RCC1L: variants seen among roughly 807,000 people sequenced by gnomAD.
RCC1L encodes RCC1-like G exchanging factor-like protein.
Under a neutral mutation model 58.6 loss-of-function variants are expected in RCC1L, and 46 were observed. The ratio of observed to expected loss-of-function variants is 0.79; its 90% CI spans 0.62 to 1.00. RCC1L has a LOEUF of 1.00. RCC1L is among the 50% of genes least tolerant of loss of function. The pLI is 0.00. For synonymous variants in RCC1L, 281 were observed against 262.9 expected (o/e 1.07, Z -0.67); for missense variants, 636 against 623.6 (o/e 1.02, Z -0.21).
At chr7:75,065,047 T>C (rs1225731328) in intron 3 of RCC1L, among the ~76,000 whole-genome samples, 2 of 152,142 alleles carry the variant, frequency 1.3e-5, no homozygotes, top group Non-Finnish European at 2.9e-5. Flanking sequence ...CACTTCTGCC[T>C]GGCCACTGCC....
intron 10 of RCC1L, among the ~76,000 whole-genome samples, chr7:75,049,724 C>T (rs1472275738): frequency 6.7e-6 from 1 of 149,656 alleles, no homozygotes; most frequent in Non-Finnish European, 1.5e-5. Flanking sequence ...ACAAAAAATA[C>T]AAAAATTAGC....
At chr7:75,072,138 T>TTATACATATACATATACA (rs1222011001) in intron 1 of RCC1L, among the ~76,000 whole-genome samples, 1 of 76,324 alleles carries the variant, frequency 1.3e-5, no homozygotes, top group Admixed American at 2.0e-4. Flanking sequence ...TATTTTAAAT[T>TTATACATATACATATACA]TATACATATA....
In RCC1L at chr7:75,051,203, TATATAAACGTATA is replaced by T. The variant is rs1554443316; in HGVS notation, c.1317+1495_1317+1507del. Among the ~76,000 whole-genome samples the T allele has an allele frequency of 3.8e-3, 560 of 147,176 alleles. 3 individuals carry two copies. The highest frequency in any genetic ancestry group is 0.013 in the African/African-American group (525 of 40,306). On this transcript the variant is annotated intron_variant, in intron 10 of 10. Transcript: ENST00000610322. ...AATATATATATATATATATTTAATATATATAAACGTATAATATAAATGTATTATATATGTATAT... is the reference window on the plus strand; with the variant it reads ...AATATATATATATATATATTTAATATATATAAATGTATTATATATGTATAT...
downstream of RCC1L, among the ~76,000 whole-genome samples, chr7:75,041,823 T>C (rs1431265003): frequency 2.7e-5 from 4 of 149,006 alleles, no homozygotes; most frequent in African/African-American, 5.0e-5. Context: ...GAGATCATGT[T>C]GCTGCACTCC....
chr7:75,059,015 TAAA>T (rs1197804891), intron 6 of RCC1L, among the ~76,000 whole-genome samples: 2 of 133,354 alleles, frequency 1.5e-5, no homozygotes, highest in African/African-American at 5.6e-5. Flanking sequence ...TGTCTCTACT[TAAA>T]AAAAAAAAAA....
At chr7:75,070,383 G>A (rs1479481652) in intron 2 of RCC1L, among the ~76,000 whole-genome samples, 2 of 152,050 alleles carry the variant, frequency 1.3e-5, no homozygotes, top group African/African-American at 4.8e-5. Flanking sequence ...CCAGCCTGGT[G>A]AACATAGTGA....
intron 10 of RCC1L, among the ~76,000 whole-genome samples, chr7:75,036,541 G>C (rs1805433859): frequency 6.6e-6 from 1 of 152,082 alleles, no homozygotes; most frequent in East Asian, 1.9e-4. Context: ...TGCAGCTCCT[G>C]GCATACAGTA....
intron 10 of RCC1L, among the ~76,000 whole-genome samples, chr7:75,044,981 C>T (rs1554442661): frequency 2.0e-5 from 3 of 152,186 alleles, no homozygotes; most frequent in African/African-American, 7.2e-5. Context: ...GAGATCACGC[C>T]ATTGCACTCC....
rs1309585566 is a variant in RCC1L at position 75,042,481 on chromosome 7, G to A, written c.*551C>T. On this transcript the variant is annotated 3_prime_UTR_variant, in exon 11 of 11. Transcript: ENST00000610322. ...AGCTCCAGATGGAATCCCAGGCCAC[G>A]GTGCTTCTAGTGTCCCCCCAGCGAG... The A allele has an allele frequency of 1.3e-5, 13 of 989,228 alleles. No individual in the cohort carries two copies. The South Asian group carries it at 2.8e-4, about 21-fold the overall frequency. 61.3% of individuals were successfully genotyped at this position (989,228 alleles called of 1,614,324 possible). A position where few individuals can be genotyped will look rare whatever the true frequency, so the allele number is the denominator to read the frequency against.
In RCC1L at chr7:75,073,496, C is replaced by A; in HGVS notation, c.242G>T (p.Ser81Ile). 7.1e-7 allele frequency: 1 copy of A among 1,406,204 alleles called. No individual in the cohort carries two copies. The highest frequency in any genetic ancestry group is 9.2e-7 in the Non-Finnish European group (1 of 1,086,208). The allele number at this position is 1,406,204 out of a possible 1,614,324, so 87.1% of individuals were successfully genotyped here. ...GCCGGCGCGGGGCCCGGGCCCGGAGCTGGGCACCACAAAGGAAGGCACGCC... is the reference window on the plus strand; with the variant it reads ...GCCGGCGCGGGGCCCGGGCCCGGAGATGGGCACCACAAAGGAAGGCACGCC... Reference protein sequence around the residue: ...ALGVPSFVVPSSGPGPRAGAR... With the variant: ...ALGVPSFVVPISGPGPRAGAR... The change falls in exon 1 of 11, where the codon AGC becomes ATC. Residue 81 changes from serine to isoleucine, a missense_variant. Transcript: ENST00000610322.
downstream of RCC1L, among the ~76,000 whole-genome samples, chr7:75,039,097 C>T (rs1805489898): frequency 6.6e-6 from 1 of 152,236 alleles, no homozygotes; most frequent in Non-Finnish European, 1.5e-5. Flanking sequence ...GTCTCGGACC[C>T]CCGAAGTGCT....
chr7:75,054,182 G>A (rs970511421), intron 9 of RCC1L, among the ~76,000 whole-genome samples: 4 of 152,186 alleles, frequency 2.6e-5, no homozygotes, highest in African/African-American at 7.2e-5. Context: ...GGGATTACAA[G>A]CATGAGCCAC....
In RCC1L at chr7:75,051,315, CACAT is replaced by C. The variant is rs1805903607; in HGVS notation, c.1317+1392_1317+1395del. ...ATAAATACATACATATATATATACA[CACAT>C]ATATACACACACACACACATATATA... On this transcript the variant is annotated intron_variant, in intron 10 of 10. Coordinates refer to ENST00000610322, the MANE Select transcript of RCC1L (RefSeq NM_030798.5). Among the ~76,000 whole-genome samples, 6 of 148,552 alleles carry C rather than the reference CACAT, an allele frequency of 4.0e-5. No individual in the cohort carries two copies. In the South Asian group the frequency reaches 1.3e-3, roughly 31 times the overall value.
intron 9 of RCC1L, among the ~76,000 whole-genome samples, chr7:75,054,528 G>A (rs1241756216): frequency 6.6e-6 from 1 of 152,148 alleles, no homozygotes; most frequent in Non-Finnish European, 1.5e-5. Flanking sequence ...CCATAGTTGA[G>A]GCCTTAAGAA....
At chr7:75,069,247 C>T (rs587695792) in intron 2 of RCC1L, among the ~76,000 whole-genome samples, 5 of 152,088 alleles carry the variant, frequency 3.3e-5, no homozygotes, top group Non-Finnish European at 5.9e-5. Flanking sequence ...GGCTGGAGTG[C>T]GGTGGCGCAA....
At position 75,042,839 on chromosome 7, in the gene RCC1L, G is replaced by A. The variant is rs1227227953; in HGVS notation, c.*193C>T. ...AAGCTGAGTTCCGCAGGCCTCACCT[G>A]CAGCTGGAGAGGGACCTTGCCCTGA... On this transcript the variant is annotated 3_prime_UTR_variant, in exon 11 of 11. Transcript: ENST00000610322. The A allele has an allele frequency of 1.0e-5, 15 of 1,447,420 alleles. No individual in the cohort carries two copies. Among genetic ancestry groups the A allele is most frequent in the Non-Finnish European group, 1.4e-5 (15 of 1,096,526 alleles). The allele number at this position is 1,447,420 out of a possible 1,614,324, so 89.7% of individuals were successfully genotyped here.
intron 1 of RCC1L, among the ~76,000 whole-genome samples, chr7:75,071,063 C>T (rs587646215): frequency 6.6e-6 from 1 of 152,168 alleles, no homozygotes; most frequent in East Asian, 1.9e-4. Context: ...ACTATGTTGG[C>T]CCAGGTGATC....
chr7:75,047,319 C>T (rs1039594722), intron 10 of RCC1L, among the ~76,000 whole-genome samples: 6 of 151,920 alleles, frequency 3.9e-5, no homozygotes, highest in Non-Finnish European at 7.4e-5. Flanking sequence ...CCGGCTGGAG[C>T]GCAGTGGTGT....
At chr7:75,036,228 T>C (rs1805428394) in intron 10 of RCC1L, among the ~76,000 whole-genome samples, 1 of 150,186 alleles carries the variant, frequency 6.7e-6, no homozygotes, top group Non-Finnish European at 1.5e-5. Flanking sequence ...GCAATTCTCC[T>C]GCCTCAGCCT....
Sources: gnomAD v4.1 joint callset for allele counts (sites outside exome capture counted in the v4.1 genomes callset) on GRCh38, gnomAD v4.1.1 for gene constraint, MANE v1.5 for transcripts, NCBI Gene and HGNC (gene_info 2026-07-23, HGNC 2026-07-21) for gene names.